TTK: variants seen among roughly 807,000 people sequenced by gnomAD.
TTK encodes the protein dual specificity protein kinase TTK.
Under a neutral mutation model 117.3 loss-of-function variants are expected in TTK, and 59 were observed. The observed-to-expected ratio is 0.50, with a 90% CI of 0.41 to 0.62. TTK has a LOEUF of 0.62. Among genes scored for constraint, TTK ranks in the 20% least tolerant of loss-of-function variants. The pLI, the probability that TTK is intolerant of heterozygous loss-of-function variation, is 0.00. For synonymous variants in TTK, 302 were observed against 325.0 expected (o/e 0.93, Z 0.76); for missense variants, 921 against 989.4 (o/e 0.93, Z 0.93).
rs201699544 is a variant in TTK at position 80,035,160 on chromosome 6, A to G, written c.1772+18A>G. 22 of 1,537,656 alleles carry G rather than the reference A, an allele frequency of 1.4e-5. No homozygotes were observed. Among genetic ancestry groups the G allele is most frequent in the Admixed American group, 1.1e-4 (5 of 43,884 alleles). On this transcript the variant is annotated intron_variant, in intron 15 of 21. Transcript: ENST00000369798. Reference sequence around the variant, plus strand: ...TATGATTAGTAAGAATTCTTTTTAAATTTAAAAAGAAAACTTTTTGCCATA... The same window carrying G: ...TATGATTAGTAAGAATTCTTTTTAAGTTTAAAAAGAAAACTTTTTGCCATA...
intron 11 of TTK, among the ~76,000 whole-genome samples, chr6:80,022,767 T>C (rs940308795): frequency 4.6e-5 from 7 of 152,210 alleles, no homozygotes; most frequent in Non-Finnish European, 8.8e-5. Flanking sequence ...ACTGGAACAC[T>C]GACACACTCA....
intron 4 of TTK, 103 bp from the exon 5 acceptor site, chr6:80,010,711 C>A (rs1339320104): frequency 6.5e-6 from 8 of 1,223,332 alleles, no homozygotes; most frequent in Middle Eastern, 2.6e-4. Context: ...TTGCTTAAGT[C>A]TTTTTGATTT....
intron 18 of TTK, among the ~76,000 whole-genome samples, chr6:80,039,196 T>A (rs1391940178): frequency 6.6e-6 from 1 of 152,084 alleles, no homozygotes; most frequent in Non-Finnish European, 1.5e-5. Context: ...TTAAAGCTTG[T>A]AAATACTTGA....
At position 80,020,195 on chromosome 6, in the gene TTK, G is replaced by T. The variant is rs142349595; in HGVS notation, c.1109-2129G>T. ...TCCTAATTATTTTTCTGATGAAATT[G>T]GAACCTGTTCACATGGCTAAACCTT... On this transcript the variant is annotated intron_variant, in intron 10 of 21. Coordinates refer to ENST00000369798, the MANE Select transcript of TTK (RefSeq NM_003318.5). Among the ~76,000 whole-genome samples the T allele has an allele frequency of 3.3e-3, 497 of 152,254 alleles. 1 individual carries two copies. Among genetic ancestry groups the T allele is most frequent in the Middle Eastern group, 0.014 (4 of 292 alleles).
rs191416444 is a variant in TTK, at chr6:80,035,290, C to A, written c.1797C>A (p.Tyr599Ter). Residue 599 changes from tyrosine (Y) to a stop codon, truncating the protein, a stop_gained, in exon 16 of 22, where the codon TAC (tyrosine) becomes TAA (stop). Transcript: ENST00000369798. LOFTEE classifies it high-confidence loss of function. ...GTGAAATCACGGACCAGTACATCTA[C>A]ATGGTAATGGAGTGTGGAAATATTG... The part of the protein sequence containing the change: ...YDYEITDQYI[Y>*]MVMECGNIDL... 1 of 1,605,306 alleles carries A rather than the reference C, an allele frequency of 6.2e-7. No individual in the cohort carries two copies. The highest frequency in any genetic ancestry group is 1.7e-5 in the Admixed American group (1 of 58,112).
At chr6:80,027,101 G>A (rs939230306) in intron 12 of TTK, among the ~76,000 whole-genome samples, 8 of 152,092 alleles carry the variant, frequency 5.3e-5, no homozygotes, top group East Asian at 3.9e-4. Flanking sequence ...AAAGGGATGC[G>A]ATACATTATA....
At chr6:80,037,863 A>C in intron 17 of TTK, 104 bp from the exon 18 acceptor site, 4 of 443,958 alleles carry the variant, frequency 9.0e-6, no homozygotes, top group Non-Finnish European at 1.3e-5. Context: ...TAAAACTTAA[A>C]GTATAATAAT....
In TTK at chr6:80,007,991, A is replaced by ACCAC; in HGVS notation, c.322_323insCCAC (p.Ser108ThrfsTer5). 5.7e-6 allele frequency: 9 copies of ACCAC among 1,591,558 alleles called. No individual in the cohort carries two copies. The highest frequency in any genetic ancestry group is 1.3e-5 in the African/African-American group (1 of 74,518). ...CCCAGATAAATATGGCCAAAATGAG[A>ACCAC]GTTTTGCTAGAATTCAAGTGAGATT... On this transcript the variant is annotated frameshift_variant, in exon 3 of 22. Transcript: ENST00000369798. LOFTEE classifies it high-confidence loss of function.
intron 10 of TTK, among the ~76,000 whole-genome samples, chr6:80,014,951 A>G (rs1360293949): frequency 6.6e-6 from 1 of 152,108 alleles, no homozygotes; most frequent in Admixed American, 6.6e-5. Flanking sequence ...TACATGTTCT[A>G]GGGATATATA....
chr6:80,035,817 T>C (rs1767891806), intron 16 of TTK, among the ~76,000 whole-genome samples: 1 of 152,156 alleles, frequency 6.6e-6, no homozygotes, highest in Non-Finnish European at 1.5e-5. Flanking sequence ...TTTTTTTGTT[T>C]GTTTTTTACT....
At chr6:80,037,292 C>T (rs1304644948) in intron 17 of TTK, among the ~76,000 whole-genome samples, 1 of 152,020 alleles carries the variant, frequency 6.6e-6, no homozygotes, top group Non-Finnish European at 1.5e-5. Flanking sequence ...ACAGTCATGT[C>T]TCTTTGTATC....
intron 13 of TTK, among the ~76,000 whole-genome samples, chr6:80,030,042 A>T (rs114862964): frequency 1.3e-5 from 2 of 152,188 alleles, no homozygotes; most frequent in Non-Finnish European, 2.9e-5. Context: ...GTTACAGGAA[A>T]TATATATAGA....
At position 80,008,397 on chromosome 6, in the gene TTK, C is replaced by T. The variant is rs1767052120; in HGVS notation, c.374C>T (p.Pro125Leu). The change falls in exon 4 of 22, where the codon CCA becomes CTA. Residue 125 changes from proline to leucine, a missense_variant. By Grantham distance (98) the Pro-to-Leu change is moderately conservative. Coordinates refer to ENST00000369798, the MANE Select transcript of TTK (RefSeq NM_003318.5). ...RFAELKAIQE[P>L]DDARDYFQMA... ...ATCTTTTATTACAGTATTCAAGAGCCAGATGATGCACGTGACTACTTTCAA... is the reference window on the plus strand; with the variant it reads ...ATCTTTTATTACAGTATTCAAGAGCTAGATGATGCACGTGACTACTTTCAA... 1 of 1,610,110 alleles carries T rather than the reference C, an allele frequency of 6.2e-7. No homozygotes were observed. The highest frequency in any genetic ancestry group is 1.7e-5 in the Admixed American group (1 of 59,352).
At position 80,034,648 on chromosome 6, in the gene TTK, G is replaced by A. The variant is rs540508777; in HGVS notation, c.1615-337G>A. ...AGGCTTGTCCTTAACATTTTGGAAA[G>A]TCTTTTTCTTTATGCTGTTTCCCTG... On this transcript the variant is annotated intron_variant, in intron 14 of 21. Coordinates refer to ENST00000369798, the MANE Select transcript of TTK (RefSeq NM_003318.5). Among the ~76,000 whole-genome samples, 291 of 152,188 alleles carry A rather than the reference G, an allele frequency of 1.9e-3. 3 individuals carry two copies. Among genetic ancestry groups the A allele is most frequent in the African/African-American group, 6.1e-3 (252 of 41,544 alleles).
chr6:80,031,661 G>A (rs905431046), intron 14 of TTK, 102 bp downstream of exon 14: 19 of 832,404 alleles, frequency 2.3e-5, no homozygotes, highest in Non-Finnish European at 3.0e-5. Context: ...ACTTCTAGGG[G>A]CGATGCTGCC....
At position 80,011,482 on chromosome 6, in the gene TTK, A is replaced by G. The variant is rs374261143; in HGVS notation, c.662A>G (p.His221Arg). 3 of 1,609,124 alleles carry G rather than the reference A, an allele frequency of 1.9e-6. No homozygotes were observed. The highest frequency in any genetic ancestry group is 2.5e-6 in the Non-Finnish European group (3 of 1,178,184). Reference protein sequence around the residue: ...AQESFSGSLGHLQNRNNSCDS... With the variant: ...AQESFSGSLGRLQNRNNSCDS... ...GAATCATTTTCCGGTTCACTTGGGC[A>G]TTTACAGAATAGGAACAACAGTTGT... The change falls in exon 6 of 22, where the codon CAT becomes CGT. Residue 221 changes from histidine to arginine, a missense_variant. His to Arg is a conservative substitution (Grantham distance 29). Coordinates refer to ENST00000369798, the MANE Select transcript of TTK (RefSeq NM_003318.5).
At chr6:80,014,314 T>G in intron 9 of TTK, 149 bp from the exon 10 acceptor site, 1 of 554,304 alleles carries the variant, frequency 1.8e-6, no homozygotes, top group South Asian at 7.1e-5. Context: ...CAGTTAACCT[T>G]TGCTGGGGGT....
At chr6:80,026,546 G>T in intron 12 of TTK, 32 bp downstream of exon 12, 1 of 1,611,072 alleles carries the variant, frequency 6.2e-7, no homozygotes, top group Non-Finnish European at 8.5e-7. Context: ...TTGATTGGCA[G>T]GGTGGTATGA....
intron 10 of TTK, among the ~76,000 whole-genome samples, chr6:80,022,028 A>G (rs1369374816): frequency 2.6e-5 from 4 of 152,200 alleles, no homozygotes; most frequent in African/African-American, 9.6e-5. Context: ...ACTTTATAAC[A>G]TCTATATGTT....
Sources: allele counts gnomAD v4.1 joint callset (sites outside exome capture counted in the v4.1 genomes callset), GRCh38; gene constraint gnomAD v4.1.1; transcripts MANE v1.5; gene names NCBI Gene and HGNC (gene_info 2026-07-23, HGNC 2026-07-21).